Variants in SLC1A6 observed in about 807,000 individuals in gnomAD.
SLC1A6 encodes excitatory amino acid transporter 4.
Under a neutral mutation model 42.1 loss-of-function variants are expected in SLC1A6, and 15 were observed. The observed-to-expected ratio is 0.36, with a 90% CI of 0.24 to 0.55. The LOEUF (loss-of-function observed/expected upper bound fraction) is 0.55. Among genes scored for constraint, SLC1A6 ranks in the 20% least tolerant of loss-of-function variants. SLC1A6 has a pLI of 0.88. For synonymous variants in SLC1A6, 317 were observed against 319.7 expected, an observed-to-expected ratio of 0.99 and a Z score of 0.09; for missense variants, 542 against 772.5, an observed-to-expected ratio of 0.70 and a Z score of 3.54.
At chr19:14,984,047 T>A (rs1013920545), upstream of SLC1A6, among the ~76,000 whole-genome samples, 2 of 152,126 alleles carry the variant, frequency 1.3e-5, no homozygotes, top group Admixed American at 1.3e-4. Context: ...CGGTGGCTCA[T>A]GCCTGTAATC....
chr19:14,956,141 T>A lies in SLC1A6; in HGVS notation c.1169+335A>T, dbSNP rs1343016938. 2.6e-5 allele frequency among the ~76,000 whole-genome samples: 4 copies of A among 151,432 alleles called. No homozygotes were observed. In the South Asian group the frequency reaches 6.2e-4, roughly 24 times the overall value. On this transcript the variant is annotated intron_variant, in intron 7 of 9. Coordinates refer to ENST00000594383, the MANE Select transcript of SLC1A6 (RefSeq NM_005071.3). ...GAAGGAAGAAGCAGCAGCCAAGAGA[T>A]CTCCCAGACACCATCTCACAAGTGG...
At chr19:15,000,240 A>G (rs1168446408) in intron 1 of SLC1A6, among the ~76,000 whole-genome samples, 1 of 152,194 alleles carries the variant, frequency 6.6e-6, no homozygotes, top group Non-Finnish European at 1.5e-5. Flanking sequence ...ATGTAACCTT[A>G]TCATAAGTTG....
chr19:14,955,169 G>A (rs563497519), intron 7 of SLC1A6, among the ~76,000 whole-genome samples: 84 of 152,298 alleles, frequency 5.5e-4, no homozygotes, highest in African/African-American at 1.9e-3. Flanking sequence ...GAGAGTCTCT[G>A]GGTGTCCAGC....
At chr19:14,969,537 T>C (rs1600005290) in intron 3 of SLC1A6, among the ~76,000 whole-genome samples, 1 of 152,240 alleles carries the variant, frequency 6.6e-6, no homozygotes, top group African/African-American at 2.4e-5. Context: ...GCCAGCCTTC[T>C]TTTGAAACCC....
At chr19:14,967,535 T>C (rs537637390) in intron 4 of SLC1A6, among the ~76,000 whole-genome samples, 2 of 152,264 alleles carry the variant, frequency 1.3e-5, no homozygotes, top group Admixed American at 6.5e-5. Context: ...ACATTAATGT[T>C]ATTAATGCAT....
chr19:14,984,147 T>TA (rs1487828599), upstream of SLC1A6, among the ~76,000 whole-genome samples: 7 of 151,966 alleles, frequency 4.6e-5, no homozygotes, highest in Non-Finnish European at 1.0e-4. Context: ...CCGTCTCTAC[T>TA]AAAAATACAA....
At chr19:14,991,352 C>CGGT (rs1354816937) in intron 1 of SLC1A6, among the ~76,000 whole-genome samples, 1 of 152,066 alleles carries the variant, frequency 6.6e-6, no homozygotes, top group African/African-American at 2.4e-5. Flanking sequence ...TGACTAGGTG[C>CGGT]GGTGGCTCAT....
intron 1 of SLC1A6, among the ~76,000 whole-genome samples, chr19:15,010,209 AAAAG>A (rs944888498): frequency 1.1e-5 from 1 of 90,990 alleles, no homozygotes; most frequent in Admixed American, 1.4e-4. Context: ...AAAGAAAGAA[AAAAG>A]AAAGAGAGAG....
At chr19:14,971,022 C>A (rs183000451) in intron 3 of SLC1A6, among the ~76,000 whole-genome samples, 6 of 152,016 alleles carry the variant, frequency 3.9e-5, no homozygotes, top group Non-Finnish European at 1.5e-5. Flanking sequence ...CCCAGCTACT[C>A]GGGAGGCTGA....
chr19:14,985,446 G>A (rs564047966), intron 1 of SLC1A6, among the ~76,000 whole-genome samples: 8 of 152,138 alleles, frequency 5.3e-5, no homozygotes, highest in Admixed American at 2.0e-4. Context: ...GGGAAAGCTC[G>A]CTGTTTAAAA....
chr19:14,961,453 G>T (rs994634731), intron 6 of SLC1A6: 1 of 152,310 alleles, frequency 6.6e-6, no homozygotes, highest in African/African-American at 2.4e-5. Flanking sequence ...GTCAGTGAAT[G>T]GCTTGGTCAA....
At chr19:14,977,661 G>C (rs1222754303) in intron 1 of SLC1A6, 1 of 152,122 alleles carries the variant, frequency 6.6e-6, no homozygotes, top group African/African-American at 2.4e-5. Flanking sequence ...TGTGCCTGTA[G>C]TCCTAGCCAC....
intron 1 of SLC1A6, among the ~76,000 whole-genome samples, chr19:14,992,800 C>T (rs148385158): frequency 2.6e-5 from 4 of 152,242 alleles, no homozygotes; most frequent in East Asian, 3.9e-4. Context: ...CGGAGCACCC[C>T]GGGCTGTCCC....
chr19:14,996,726 C>T (rs922237914), intron 1 of SLC1A6, among the ~76,000 whole-genome samples: 2 of 152,044 alleles, frequency 1.3e-5, no homozygotes, highest in Non-Finnish European at 2.9e-5. Flanking sequence ...TGGCTCTTAG[C>T]CTGGTGCCTG....
chr19:14,971,915 C>G, intron 2 of SLC1A6, 41 bp from the exon 3 acceptor site: 2 of 1,609,178 alleles, frequency 1.2e-6, no homozygotes, highest in Non-Finnish European at 1.7e-6. Context: ...AAGTCTGGGT[C>G]GCTCAGCCCC....
At position 14,979,543 on chromosome 19, in the gene SLC1A6, C is replaced by G. The variant is rs904366013; in HGVS notation, c.-242G>C. On this transcript the variant is annotated 5_prime_UTR_variant, in exon 1 of 10. Transcript: ENST00000594383. This position sits in a 1 kb window ranked among gnomAD's most constrained non-coding sequence, Gnocchi z 4.2. ...TCCGGAGCGGCGGGGGCGGCCTGCC[C>G]GCGCCTCGGCCTGCGCGCTGCGCCC... 2.0e-5 allele frequency: 3 copies of G among 150,904 alleles called. No homozygotes were observed. The highest frequency in any genetic ancestry group is 3.0e-5 in the Non-Finnish European group (2 of 67,636). The allele number at this position is 150,904 out of a possible 1,614,324, so 9.3% of individuals were successfully genotyped here. A position where few individuals can be genotyped will look rare whatever the true frequency, so the allele number is the denominator to read the frequency against.
intron 1 of SLC1A6, among the ~76,000 whole-genome samples, chr19:14,999,333 T>C (rs1022729341): frequency 2.0e-5 from 3 of 152,184 alleles, no homozygotes; most frequent in African/African-American, 7.2e-5. Context: ...CAATTGCCAA[T>C]TGGAAAATCT....
At chr19:15,009,614 G>A (rs1013414269) in intron 1 of SLC1A6, among the ~76,000 whole-genome samples, 3 of 152,092 alleles carry the variant, frequency 2.0e-5, no homozygotes, top group Admixed American at 6.6e-5. Flanking sequence ...GTAGGTAGGA[G>A]GGTGAGAAGG....
At chr19:14,964,233 G>T (rs1023520762) in intron 5 of SLC1A6, 86 bp downstream of exon 5, 1 of 1,119,396 alleles carries the variant, frequency 8.9e-7, no homozygotes, top group Non-Finnish European at 1.4e-6. Flanking sequence ...CCTTCCTCCC[G>T]CCTCTTGCCC....
Sources: gnomAD v4.1 joint callset for allele counts (sites outside exome capture counted in the v4.1 genomes callset) on GRCh38, gnomAD v4.1.1 for gene constraint, Gnocchi (gnomAD v3.1) non-coding constraint, MANE v1.5 for transcripts, NCBI Gene and HGNC (gene_info 2026-07-23, HGNC 2026-07-21) for gene names.